Variants in PACSIN2 observed in about 807,000 individuals in gnomAD.
PACSIN2 encodes protein kinase C and casein kinase substrate in neurons protein 2.
PACSIN2 carries 25 observed loss-of-function variants against 63.8 expected under a neutral mutation model. The observed-to-expected ratio is 0.39, with a 90% CI of 0.29 to 0.55. The LOEUF is 0.55. PACSIN2 is among the 20% of genes least tolerant of loss of function. The pLI is 0.62. For missense variants in PACSIN2, 518 were observed against 646.9 expected (o/e 0.80, Z 2.16); for synonymous variants, 255 against 256.2 (o/e 1.00, Z 0.05).
Position 42,871,056 on chromosome 22 carries a change from C to T in PACSIN2, c.*301G>A, listed in dbSNP as rs951507286. On this transcript the variant is annotated 3_prime_UTR_variant, in exon 11 of 11. Coordinates refer to ENST00000263246, the MANE Select transcript of PACSIN2 (RefSeq NM_001184970.3). This position sits in a 1 kb window ranked among gnomAD's most constrained non-coding sequence, Gnocchi z 5.4. ...AGATCAGTGTAACCCACCATTGACT[C>T]GGAAAGGAGAGACAAAGTCAAGAAC... 8 of 395,788 alleles carry T rather than the reference C, an allele frequency of 2.0e-5. No individual in the cohort carries two copies. The highest frequency in any genetic ancestry group is 1.0e-4 in the African/African-American group (5 of 49,902). The allele number at this position is 395,788 out of a possible 1,614,324, so 24.5% of individuals were successfully genotyped here.
At chr22:42,925,203 G>A (rs961161088) in intron 1 of PACSIN2, among the ~76,000 whole-genome samples, 10 of 151,942 alleles carry the variant, frequency 6.6e-5, no homozygotes, top group African/African-American at 2.2e-4. Context: ...CTCTAGGGCC[G>A]GGGCGGTGGC....
rs1488495850 is a variant in PACSIN2, at chr22:42,876,173, C to T, written c.1312G>A (p.Glu438Lys). 1 of 1,614,082 alleles carries T rather than the reference C, an allele frequency of 6.2e-7. No individual in the cohort carries two copies. Among genetic ancestry groups the T allele is most frequent in the African/African-American group, 1.3e-5 (1 of 74,940 alleles). ...CTCAGCTCATCATGCTCCTGCCCCTCATAGTCATACAGGGCCCGGACTCGC... is the reference window on the plus strand; with the variant it reads ...CTCAGCTCATCATGCTCCTGCCCCTTATAGTCATACAGGGCCCGGACTCGC... ...EVRVRALYDY[E>K]GQEHDELSFK... Residue 438 changes from glutamate to lysine, a missense_variant, in exon 10 of 11, where the codon GAG (glutamate) becomes AAG (lysine). By Grantham distance (56) the Glu-to-Lys change is moderately conservative. Transcript: ENST00000263246.
rs527582834 is a variant in PACSIN2 at position 42,903,456 on chromosome 22, C to A, written c.60+8565G>T. Reference sequence around the variant, plus strand: ...GAAAACACCAAAGAGTAACAGGGGTCCTTGAAAAACCATCTAGTCCGTGCC... The same window carrying A: ...GAAAACACCAAAGAGTAACAGGGGTACTTGAAAAACCATCTAGTCCGTGCC... On this transcript the variant is annotated intron_variant, in intron 2 of 10. Transcript: ENST00000263246. Among the ~76,000 whole-genome samples, 147 of 152,304 alleles carry A rather than the reference C, an allele frequency of 9.7e-4. 1 individual carries two copies. The highest frequency in any genetic ancestry group is 3.3e-3 in the African/African-American group (136 of 41,562).
At chr22:42,999,816 C>T (rs926762928) in intron 1 of PACSIN2, among the ~76,000 whole-genome samples, 16 of 152,186 alleles carry the variant, frequency 1.1e-4, no homozygotes, top group Non-Finnish European at 2.2e-4. Context: ...GAGACAGACC[C>T]AGATCTGAAG....
At chr22:43,001,421 C>T (rs1036431817) in intron 1 of PACSIN2, among the ~76,000 whole-genome samples, 1 of 152,230 alleles carries the variant, frequency 6.6e-6, no homozygotes, top group African/African-American at 2.4e-5. Context: ...ACAATTTCCA[C>T]ACTTGTGATA....
chr22:42,911,826 G>GTT (rs749368669), intron 2 of PACSIN2, among the ~76,000 whole-genome samples, 195 bp downstream of exon 2: 16 of 152,202 alleles, frequency 1.1e-4, no homozygotes, highest in Non-Finnish European at 1.9e-4. Context: ...CTTCGATGAT[G>GTT]GCTAAGGCAT....
At chr22:42,889,607 G>A (rs1929757774) in intron 4 of PACSIN2, among the ~76,000 whole-genome samples, 1 of 152,166 alleles carries the variant, frequency 6.6e-6, no homozygotes. Flanking sequence ...ACAGAGGCAT[G>A]TTCTGGATGA....
intron 1 of PACSIN2, among the ~76,000 whole-genome samples, chr22:43,014,365 C>CACACACA (rs1227376539): frequency 1.7e-3 from 16 of 9,388 alleles, no homozygotes; most frequent in African/African-American, 6.9e-3. Context: ...CACACACACA[C>CACACACA]CACCCCCCCC....
At chr22:42,926,617 G>GA (rs1186353836) in intron 1 of PACSIN2, among the ~76,000 whole-genome samples, 11 of 151,900 alleles carry the variant, frequency 7.2e-5, no homozygotes, top group African/African-American at 2.7e-4. Context: ...AGAGAGGGGG[G>GA]AAAACACATC....
chr22:42,885,557 C>T (rs2858562), intron 5 of PACSIN2, among the ~76,000 whole-genome samples: 1 of 152,130 alleles, frequency 6.6e-6, no homozygotes, highest in South Asian at 2.1e-4. Flanking sequence ...ATCGGGCACC[C>T]TCTCTGCCCC....
intron 2 of PACSIN2, among the ~76,000 whole-genome samples, chr22:42,909,258 C>T (rs1931290074): frequency 6.6e-6 from 1 of 152,190 alleles, no homozygotes. Context: ...CAGCCAAAGG[C>T]TCCTGGAGGA....
intron 1 of PACSIN2, among the ~76,000 whole-genome samples, chr22:42,925,241 C>T (rs938105491): frequency 6.6e-6 from 1 of 151,896 alleles, no homozygotes; most frequent in African/African-American, 2.4e-5. Context: ...GCACTTTGGG[C>T]GGCCGAGGCT....
chr22:42,920,756 T>C (rs1368764493), intron 1 of PACSIN2, among the ~76,000 whole-genome samples: 2 of 147,396 alleles, frequency 1.4e-5, no homozygotes, highest in Non-Finnish European at 3.0e-5. Flanking sequence ...AAGTTGTGAG[T>C]GGCAGGGGTG....
In PACSIN2 at chr22:42,876,218, CGT is replaced by C; in HGVS notation, c.1265_1266del (p.Asp422GlyfsTer14). On this transcript the variant is annotated frameshift_variant, in exon 10 of 11. Transcript: ENST00000263246. LOFTEE classifies it high-confidence loss of function. ...ACTCGCACTTCCGTCCCCGAGGTGG[CGT>C]CGTCGTCGAATGGATTCGAGTCCCC... ...ANGDSNPFDD[D>X]ATSGTEVRVR... The C allele has an allele frequency of 6.2e-7, 1 of 1,614,170 alleles. No individual in the cohort carries two copies. The highest frequency in any genetic ancestry group is 8.5e-7 in the Non-Finnish European group (1 of 1,180,006).
intron 1 of PACSIN2, among the ~76,000 whole-genome samples, chr22:42,973,642 C>T (rs866256859): frequency 6.6e-6 from 1 of 152,234 alleles, no homozygotes; most frequent in African/African-American, 2.4e-5. Flanking sequence ...TGGCAAGCCC[C>T]ACACTTGTGC....
intron 1 of PACSIN2, among the ~76,000 whole-genome samples, chr22:42,928,138 C>A (rs1932654021): frequency 6.6e-6 from 1 of 152,242 alleles, no homozygotes; most frequent in Non-Finnish European, 1.5e-5. Flanking sequence ...CATCCTCAAT[C>A]TACACTTAAG....
At chr22:42,892,650 C>A (rs898237002) in intron 3 of PACSIN2, among the ~76,000 whole-genome samples, 1 of 152,314 alleles carries the variant, frequency 6.6e-6, no homozygotes, top group Non-Finnish European at 1.5e-5. Flanking sequence ...GGGCACATAC[C>A]CTGCCCTAAG....
At chr22:42,914,793 G>A (rs562559135) in intron 1 of PACSIN2, among the ~76,000 whole-genome samples, 15 of 152,306 alleles carry the variant, frequency 9.8e-5, no homozygotes, top group South Asian at 2.1e-4. Flanking sequence ...CTTGGGCAGA[G>A]GAATTCAGAT....
rs1569329765 is a variant in PACSIN2, at chr22:42,962,786, G to GGGGGC, written c.-77-50630_-77-50629insGCCCC. On this transcript the variant is annotated intron_variant, in intron 1 of 10. Coordinates refer to ENST00000263246, the MANE Select transcript of PACSIN2 (RefSeq NM_001184970.3). ...GAGCAAGGTGTGGGCGGGGGGGGGG[G>GGGGGC]GCGGCGCAGAAAAAGAAAACTGACT... Among the ~76,000 whole-genome samples, 14 of 131,498 alleles carry GGGGGC rather than the reference G, an allele frequency of 1.1e-4. No individual in the cohort carries two copies. The South Asian group carries it at 1.4e-3, about 13-fold the overall frequency. 86.3% of individuals were successfully genotyped at this position (131,498 alleles called of 152,430 possible). A position where few individuals can be genotyped will look rare whatever the true frequency, so the allele number is the denominator to read the frequency against.
Sources: allele counts gnomAD v4.1 joint callset (sites outside exome capture counted in the v4.1 genomes callset), GRCh38; gene constraint gnomAD v4.1.1; non-coding constraint Gnocchi (gnomAD v3.1); transcripts MANE v1.5; gene names NCBI Gene and HGNC (gene_info 2026-07-23, HGNC 2026-07-21).